The following KHDRBS2 variants were observed in gnomAD, a reference collection of about 807,000 sequenced individuals.
The protein encoded by KHDRBS2 is KH domain-containing, RNA-binding, signal transduction-associated protein 2.
KHDRBS2 carries 26 observed loss-of-function variants against 44.3 expected under a neutral mutation model. The observed-to-expected ratio is 0.59, with a 90% confidence interval of 0.43 to 0.81. KHDRBS2 has a LOEUF of 0.81. Ranked by LOEUF, KHDRBS2 falls within the 40% of genes least tolerant of loss-of-function variation. KHDRBS2 has a pLI of 0.00. For synonymous variants in KHDRBS2, 194 were observed against 151.1 expected (o/e 1.28, Z -2.08); for missense variants, 476 against 433.1 (o/e 1.10, Z -0.88).
intron 6 of KHDRBS2, among the ~76,000 whole-genome samples, chr6:61,750,260 A>G (rs1019742237): frequency 6.6e-6 from 1 of 152,238 alleles, no homozygotes; most frequent in Admixed American, 6.5e-5. Context: ...AGGAAGGCTC[A>G]TGAATACAAG....
intron 4 of KHDRBS2, among the ~76,000 whole-genome samples, chr6:61,905,854 CTTT>C (rs10676797): frequency 8.8e-6 from 1 of 114,172 alleles, no homozygotes; most frequent in Admixed American, 1.1e-4. Flanking sequence ...CAAAACTTTT[CTTT>C]TTTTTTTTTT....
the KHDRBS2 span, among the ~76,000 whole-genome samples, chr6:61,549,475 C>A: frequency 2.0e-5 from 3 of 152,056 alleles, no homozygotes; most frequent in Non-Finnish European, 4.4e-5. Flanking sequence ...AAGCCCATTG[C>A]ATGTTAATAT....
intron 2 of KHDRBS2, among the ~76,000 whole-genome samples, chr6:62,137,722 C>G (rs1164060647): frequency 2.0e-5 from 3 of 152,064 alleles, no homozygotes; most frequent in Non-Finnish European, 4.4e-5. Context: ...ATGTTGTCTA[C>G]TAATTTCCCC....
intron 1 of KHDRBS2, among the ~76,000 whole-genome samples, chr6:62,205,332 T>C (rs1563060603): frequency 1.3e-5 from 2 of 152,136 alleles, no homozygotes; most frequent in Admixed American, 1.3e-4. Context: ...ATGAAAGATA[T>C]TTATAGTTCT....
At chr6:62,054,435 C>A (rs771480639) in intron 2 of KHDRBS2, among the ~76,000 whole-genome samples, 2 of 151,956 alleles carry the variant, frequency 1.3e-5, no homozygotes, top group Non-Finnish European at 1.5e-5. Flanking sequence ...GAATAATGGT[C>A]CCCTAAAGAT....
chr6:61,682,379 G>C (rs756637420), intron 8 of KHDRBS2, among the ~76,000 whole-genome samples: 1 of 151,798 alleles, frequency 6.6e-6, no homozygotes, highest in Non-Finnish European at 1.5e-5. Flanking sequence ...CTCTTTCACT[G>C]TTTAGTCTTT....
intron 6 of KHDRBS2, among the ~76,000 whole-genome samples, chr6:61,830,080 T>C (rs1791552984): frequency 6.6e-6 from 1 of 152,164 alleles, no homozygotes; most frequent in South Asian, 2.1e-4. Flanking sequence ...TAGATGATAG[T>C]CTGAGAGCCT....
At chr6:62,211,491 T>C (rs1273862822) in intron 1 of KHDRBS2, among the ~76,000 whole-genome samples, 1 of 152,208 alleles carries the variant, frequency 6.6e-6, no homozygotes, top group Admixed American at 6.5e-5. Context: ...TGTATATCTA[T>C]ATTGTCAGTT....
chr6:61,676,893 G>A (rs925993586), downstream of KHDRBS2, among the ~76,000 whole-genome samples: 3 of 151,846 alleles, frequency 2.0e-5, no homozygotes, highest in Non-Finnish European at 2.9e-5. Context: ...CCTTTATCTT[G>A]CAGACATATG....
At chr6:62,235,168 G>A (rs974068316) in intron 1 of KHDRBS2, among the ~76,000 whole-genome samples, 4 of 140,338 alleles carry the variant, frequency 2.9e-5, no homozygotes, top group African/African-American at 1.1e-4. Context: ...GTTTAAAGTT[G>A]ACCAAACACT....
At chr6:61,969,551 T>C (rs185259907) in intron 4 of KHDRBS2, among the ~76,000 whole-genome samples, 36 of 152,144 alleles carry the variant, frequency 2.4e-4, no homozygotes, top group Non-Finnish European at 4.7e-4. Flanking sequence ...AAAACATTTC[T>C]TTTTTCACTT....
At chr6:61,845,039 A>G (rs1794174659) in intron 6 of KHDRBS2, among the ~76,000 whole-genome samples, 1 of 152,174 alleles carries the variant, frequency 6.6e-6, no homozygotes, top group Non-Finnish European at 1.5e-5. Flanking sequence ...CTACTTGACA[A>G]GATAAACTCT....
intron 4 of KHDRBS2, among the ~76,000 whole-genome samples, chr6:61,970,998 C>T (rs182301160): frequency 3.8e-4 from 58 of 152,166 alleles, no homozygotes; most frequent in African/African-American, 1.3e-3. Context: ...AATTGAGACT[C>T]TTCTTATAGA....
At chr6:61,928,048 C>A (rs1046956175) in intron 4 of KHDRBS2, among the ~76,000 whole-genome samples, 3 of 152,032 alleles carry the variant, frequency 2.0e-5, no homozygotes, top group African/African-American at 7.2e-5. Context: ...AGAGGAAATA[C>A]CTGCTGGGTT....
the KHDRBS2 span, among the ~76,000 whole-genome samples, chr6:61,588,844 A>C: frequency 6.6e-6 from 1 of 152,168 alleles, no homozygotes; most frequent in South Asian, 2.1e-4. Flanking sequence ...AGACTCGATA[A>C]AGAAAATGTG....
chr6:61,720,316 T>C (rs2127555004), intron 7 of KHDRBS2, among the ~76,000 whole-genome samples: 1 of 152,272 alleles, frequency 6.6e-6, no homozygotes, highest in East Asian at 1.9e-4. Flanking sequence ...CTGGGTCAAA[T>C]GGTATTTCTA....
chr6:61,770,349 G>A (rs530999454), intron 6 of KHDRBS2, among the ~76,000 whole-genome samples: 37 of 152,320 alleles, frequency 2.4e-4, no homozygotes, highest in African/African-American at 7.5e-4. Flanking sequence ...TGACTTTGCC[G>A]AGTTGAGAGA....
At position 62,177,160 on chromosome 6, in the gene KHDRBS2, G is replaced by A. The variant is rs772941543; in HGVS notation, c.219+25C>T. ...TTTATCATTTCTAAATCAATTATAT[G>A]AGAACAAAGTATATATGGTAGTACC... is the stretch of plus-strand genomic sequence containing the variant. On this transcript the variant is annotated intron_variant, in intron 2 of 8. Coordinates refer to ENST00000281156, the MANE Select transcript of KHDRBS2 (RefSeq NM_152688.4). 3.0e-6 allele frequency: 4 copies of A among 1,326,938 alleles called. No individual in the cohort carries two copies. The South Asian group carries it at 5.6e-5, about 19-fold the overall frequency. 82.2% of individuals were successfully genotyped at this position (1,326,938 alleles called of 1,614,324 possible).
At chr6:61,759,926 T>TA (rs1406032032) in intron 6 of KHDRBS2, among the ~76,000 whole-genome samples, 4 of 152,204 alleles carry the variant, frequency 2.6e-5, no homozygotes, top group African/African-American at 9.6e-5. Context: ...CAGACTTTCT[T>TA]AAAGGTCTGA....
Sources: gnomAD v4.1 joint callset for allele counts (sites outside exome capture counted in the v4.1 genomes callset) on GRCh38, gnomAD v4.1.1 for gene constraint, MANE v1.5 for transcripts, NCBI Gene and HGNC (gene_info 2026-07-23, HGNC 2026-07-21) for gene names.